The following UGCG variants were observed in gnomAD, a reference collection of about 807,000 sequenced individuals.
UGCG encodes UDP-glucose ceramide glucosyltransferase.
A neutral mutation model predicts 49.5 loss-of-function variants in UGCG; 10 were observed. The ratio of observed to expected loss-of-function variants is 0.20; its 90% CI spans 0.12 to 0.34. The LOEUF is 0.34. Ranked by LOEUF, UGCG falls within the 10% of genes least tolerant of loss-of-function variation. UGCG has a pLI of 1.00. For synonymous variants in UGCG, 182 were observed against 158.2 expected (o/e 1.15, Z -1.13); for missense variants, 312 against 483.7 (o/e 0.65, Z 3.33).
chr9:111,928,049 G>A (rs117731582), intron 5 of UGCG, among the ~76,000 whole-genome samples: 2,332 of 152,270 alleles, frequency 0.015, 30 homozygotes, highest in Middle Eastern at 0.031. Context: ...TATAAGGACA[G>A]ATATGTGATT....
chr9:111,903,195 AG>A lies in UGCG; in HGVS notation c.98+5883del, dbSNP rs200465737. On this transcript the variant is annotated intron_variant, in intron 1 of 8. Coordinates refer to ENST00000374279, the MANE Select transcript of UGCG (RefSeq NM_003358.3). ...CCTTGTTTAACCTTTACCTGTCTCC[AG>A]TGGGTTTCCCTGCATCCCAGGCTTC... 9.0e-3 allele frequency among the ~76,000 whole-genome samples: 1,369 copies of A among 152,302 alleles called. 22 individuals are homozygous for A. Among genetic ancestry groups the A allele is most frequent in the African/African-American group, 0.031 (1,301 of 41,562 alleles).
chr9:111,910,920 A>G (rs978111861), intron 1 of UGCG, among the ~76,000 whole-genome samples: 3 of 151,790 alleles, frequency 2.0e-5, no homozygotes, highest in African/African-American at 7.3e-5. Context: ...CATATTTTGT[A>G]TTTTTTAGTA....
chr9:111,919,895 G>A (rs1388589441), intron 2 of UGCG, among the ~76,000 whole-genome samples: 1 of 151,868 alleles, frequency 6.6e-6, no homozygotes, highest in East Asian at 1.9e-4. Flanking sequence ...AAAGCTCGTT[G>A]TTACTTTTGC....
chr9:111,897,343 GGCAGGGGTCCGGGCCTCGGA>G, intron 1 of UGCG, 30 bp downstream of exon 1: 1 of 1,524,270 alleles, frequency 6.6e-7, no homozygotes, highest in Non-Finnish European at 8.9e-7. Flanking sequence ...AGGGGCTCGG[GGCAGGGGTCCGGGCCTCGGA>G]GACAGGCGAG....
intron 5 of UGCG, 82 bp downstream of exon 5, chr9:111,926,578 A>C (rs1838315696): frequency 1.9e-6 from 2 of 1,067,016 alleles, no homozygotes; most frequent in Non-Finnish European, 2.7e-6. Flanking sequence ...AGCTGGAATT[A>C]GGTATCTCAA....
At chr9:111,927,914 A>T (rs185997626) in intron 5 of UGCG, among the ~76,000 whole-genome samples, 202 of 151,960 alleles carry the variant, frequency 1.3e-3, no homozygotes, top group African/African-American at 4.5e-3. Context: ...TTCCCATATC[A>T]TTAATAGCTT....
chr9:111,901,799 A>G (rs112572487), intron 1 of UGCG, among the ~76,000 whole-genome samples: 5,303 of 152,304 alleles, frequency 0.035, 146 homozygotes, highest in Non-Finnish European at 0.046. Flanking sequence ...TTAGTTCAGC[A>G]CACCTTCATA....
intron 2 of UGCG, among the ~76,000 whole-genome samples, chr9:111,921,801 G>GTTTTTTTTTTTTTTTTTTTTTTTT (rs1564203243): frequency 4.2e-5 from 2 of 48,058 alleles, no homozygotes; most frequent in Non-Finnish European, 7.5e-5. Flanking sequence ...GCCCCAGGGT[G>GTTTTTTTTTTTTTTTTTTTTTTTT]ATTTTTTTTT....
intron 5 of UGCG, among the ~76,000 whole-genome samples, chr9:111,928,400 T>C (rs1222934303): frequency 6.6e-6 from 1 of 152,216 alleles, no homozygotes; most frequent in Non-Finnish European, 1.5e-5. Context: ...ATCTCTGTGA[T>C]GTGTATGTCA....
At chr9:111,924,036 C>T (rs766634335) in intron 3 of UGCG, among the ~76,000 whole-genome samples, 1 of 152,174 alleles carries the variant, frequency 6.6e-6, no homozygotes. Flanking sequence ...GATCCACCCC[C>T]CTCGACCTCC....
In UGCG at chr9:111,933,127, T is replaced by C. The variant is rs1838457083; in HGVS notation, c.*130T>C. 1 of 923,440 alleles carries C rather than the reference T, an allele frequency of 1.1e-6. No homozygotes were observed. The highest frequency in any genetic ancestry group is 1.7e-5 in the African/African-American group (1 of 57,994). 57.2% of individuals were successfully genotyped at this position (923,440 alleles called of 1,614,324 possible). A position where few individuals can be genotyped will look rare whatever the true frequency, so the allele number is the denominator to read the frequency against. ...GTTTTGGTATCTGTTCTTTAATTTA[T>C]TTTTGCATGGCACTTGCATCTGTGA... On this transcript the variant is annotated 3_prime_UTR_variant, in exon 9 of 9. Transcript: ENST00000374279.
intron 1 of UGCG, among the ~76,000 whole-genome samples, chr9:111,913,520 A>AC (rs1050107132): frequency 2.0e-5 from 3 of 149,506 alleles, no homozygotes; most frequent in African/African-American, 7.4e-5. Context: ...TGCAACCTCC[A>AC]CCCCCGGGTT....
chr9:111,913,895 T>G (rs1035406354), intron 1 of UGCG, among the ~76,000 whole-genome samples: 1 of 152,126 alleles, frequency 6.6e-6, no homozygotes, highest in African/African-American at 2.4e-5. Context: ...CATCATTGAG[T>G]TTTTTTCTTA....
At chr9:111,908,558 T>C (rs1236588372) in intron 1 of UGCG, among the ~76,000 whole-genome samples, 3 of 152,220 alleles carry the variant, frequency 2.0e-5, no homozygotes, top group African/African-American at 7.2e-5. Context: ...CTTTATAATA[T>C]GTACATTATG....
chr9:111,932,088 A>T, intron 7 of UGCG, 82 bp from the exon 8 acceptor site: 2 of 1,433,342 alleles, frequency 1.4e-6, no homozygotes, highest in Non-Finnish European at 1.9e-6. Flanking sequence ...GGGTAAAAAA[A>T]TTGATTATTT....
chr9:111,924,746 A>T lies in UGCG; in HGVS notation c.344-31A>T, dbSNP rs775979551. ...ATAAAATATTTTTAATGTTGCATAA[A>T]TCTTTTACTACTGTACCTTTACATT... On this transcript the variant is annotated intron_variant, in intron 3 of 8. Coordinates refer to ENST00000374279, the MANE Select transcript of UGCG (RefSeq NM_003358.3). 2.4e-6 allele frequency: 3 copies of T among 1,230,874 alleles called. No individual in the cohort carries two copies. The African/African-American group carries it at 4.7e-5, about 19-fold the overall frequency. 76.2% of individuals were successfully genotyped at this position (1,230,874 alleles called of 1,614,324 possible). A position where few individuals can be genotyped will look rare whatever the true frequency, so the allele number is the denominator to read the frequency against.
chr9:111,931,935 G>C (rs1838433074), intron 7 of UGCG, among the ~76,000 whole-genome samples: 1 of 151,992 alleles, frequency 6.6e-6, no homozygotes, highest in African/African-American at 2.4e-5. Context: ...GGGATGAGGT[G>C]GGAAGATCGC....
At chr9:111,932,064 G>T (rs1564206846) in intron 7 of UGCG, 106 bp from the exon 8 acceptor site, 4 of 1,181,764 alleles carry the variant, frequency 3.4e-6, no homozygotes, top group Admixed American at 2.4e-5. Flanking sequence ...AAAGAGAATG[G>T]TCTTTCTATC....
At chr9:111,912,888 G>GGT (rs112247185) in intron 1 of UGCG, among the ~76,000 whole-genome samples, 11,864 of 150,914 alleles carry the variant, frequency 0.079, 872 homozygotes, top group African/African-American at 0.19. Flanking sequence ...TTGTAAACCT[G>GGT]GTGTGTGTGT....
Sources: gnomAD v4.1 joint callset for allele counts (sites outside exome capture counted in the v4.1 genomes callset) on GRCh38, gnomAD v4.1.1 for gene constraint, MANE v1.5 for transcripts, NCBI Gene and HGNC (gene_info 2026-07-23, HGNC 2026-07-21) for gene names.